Variants in RPTOR observed in about 807,000 individuals in gnomAD.
RPTOR encodes regulatory-associated protein of mTOR.
Under a neutral mutation model 169.9 loss-of-function variants are expected in RPTOR, and 21 were observed. The observed-to-expected ratio is 0.12, with a 90% CI of 0.09 to 0.18. The LOEUF is 0.18. Among genes scored for constraint, RPTOR ranks in the 10% least tolerant of loss-of-function variants. The pLI is 1.00. For missense variants in RPTOR, 1,133 were observed against 1,855.9 expected, an observed-to-expected ratio of 0.61 and a Z score of 7.16; for synonymous variants, 732 against 753.2, an observed-to-expected ratio of 0.97 and a Z score of 0.46.
At position 80,609,399 on chromosome 17, in the gene RPTOR, G is replaced by A. The variant is rs1371335435; in HGVS notation, c.163-16292G>A. On this transcript the variant is annotated intron_variant, in intron 1 of 33. Transcript: ENST00000306801. The surrounding 1 kb of genome is among the most constrained non-coding windows in gnomAD (Gnocchi z 4.8). ...GACTGCTAGTGGCTGGAAGCTTCCAGATTAGTAGTTTAAGCCAGAAAACAA... is the reference window on the plus strand; with the variant it reads ...GACTGCTAGTGGCTGGAAGCTTCCAAATTAGTAGTTTAAGCCAGAAAACAA... Among the ~76,000 whole-genome samples the A allele has an allele frequency of 1.3e-5, 2 of 152,230 alleles. No homozygotes were observed. Among genetic ancestry groups the A allele is most frequent in the Non-Finnish European group, 2.9e-5 (2 of 68,044 alleles).
intron 1 of RPTOR, among the ~76,000 whole-genome samples, chr17:80,605,079 G>A (rs942038379): frequency 6.6e-6 from 1 of 152,160 alleles, no homozygotes; most frequent in African/African-American, 2.4e-5. Context: ...TTATGGGTTG[G>A]AGTAAGGTAT....
At chr17:80,673,219 T>G (rs2065835607) in intron 3 of RPTOR, among the ~76,000 whole-genome samples, 2 of 152,170 alleles carry the variant, frequency 1.3e-5, no homozygotes, top group African/African-American at 4.8e-5. Context: ...CGCCCAGCCC[T>G]CTTTTTACAT....
intron 3 of RPTOR, among the ~76,000 whole-genome samples, chr17:80,660,588 C>T (rs1481644088): frequency 6.6e-6 from 1 of 152,124 alleles, no homozygotes; most frequent in African/African-American, 2.4e-5. Flanking sequence ...CCCAGAGCCC[C>T]ATTCACCACC....
At chr17:80,809,193 T>A (rs2067248560) in intron 7 of RPTOR, among the ~76,000 whole-genome samples, 1 of 152,226 alleles carries the variant, frequency 6.6e-6, no homozygotes, top group African/African-American at 2.4e-5. Context: ...TTCGGGGTTT[T>A]TTTTATTTTA....
intron 21 of RPTOR, among the ~76,000 whole-genome samples, chr17:80,911,314 G>T (rs1259391704): frequency 6.6e-6 from 1 of 152,150 alleles, no homozygotes; most frequent in East Asian, 1.9e-4. Flanking sequence ...CCAGCTGCAC[G>T]GGCACCTGGA....
intron 5 of RPTOR, 143 bp from the exon 6 acceptor site, chr17:80,753,867 G>A (rs535224600): frequency 1.0e-5 from 8 of 763,080 alleles, no homozygotes; most frequent in East Asian, 7.4e-5. Flanking sequence ...CAGCAGCGAC[G>A]CCTCTCTCCA....
At position 80,545,676 on chromosome 17, in the gene RPTOR, A is replaced by G. The variant is rs199973721; in HGVS notation, c.47A>G (p.Glu16Gly). 3.2e-5 allele frequency: 51 copies of G among 1,613,378 alleles called. 1 individual carries two copies. In the South Asian group the frequency reaches 5.3e-4, roughly 17 times the overall value. Residue 16 changes from glutamate (E) to glycine (G), a missense_variant, in exon 1 of 34, where the codon GAA (glutamate) becomes GGA (glycine). By Grantham distance (98) the Glu-to-Gly change is moderately conservative. This residue lies in a region of RPTOR where 47 missense variants were observed against 59.5 expected (regional missense o/e 0.79). Coordinates refer to ENST00000306801, the MANE Select transcript of RPTOR (RefSeq NM_020761.3). ...TCGCCTCTTCTGGGCCTGGGGGAGGAAGATGAGGCTGATCTTACAGACTGG... is the reference window on the plus strand; with the variant it reads ...TCGCCTCTTCTGGGCCTGGGGGAGGGAGATGAGGCTGATCTTACAGACTGG... ...LQSPLLGLGE[E>G]DEADLTDWNL...
intron 9 of RPTOR, among the ~76,000 whole-genome samples, chr17:80,832,529 G>A (rs958967211): frequency 5.9e-5 from 9 of 152,174 alleles, no homozygotes; most frequent in African/African-American, 1.9e-4. Flanking sequence ...CCTTAACAAG[G>A]GCAGGGAGGG....
chr17:80,866,668 G>A (rs944700982), intron 13 of RPTOR, among the ~76,000 whole-genome samples: 2 of 152,310 alleles, frequency 1.3e-5, no homozygotes, highest in African/African-American at 4.8e-5. Context: ...AACTTGATGG[G>A]AGAACATTTG....
rs531648173 is a variant in RPTOR at position 80,699,093 on chromosome 17, C to G, written c.349-8748C>G. On this transcript the variant is annotated intron_variant, in intron 3 of 33. Transcript: ENST00000306801. ...AAAAGCCTTGCTTCACTGCTGTACTCCAACCCATCAAAATGGAATTGTTTA... is the reference window on the plus strand; with the variant it reads ...AAAAGCCTTGCTTCACTGCTGTACTGCAACCCATCAAAATGGAATTGTTTA... Among the ~76,000 whole-genome samples, 3 of 152,330 alleles carry G rather than the reference C, an allele frequency of 2.0e-5. No homozygotes were observed. In the South Asian group the frequency reaches 6.2e-4, roughly 32 times the overall value.
intron 3 of RPTOR, among the ~76,000 whole-genome samples, chr17:80,699,219 T>C (rs1040112243): frequency 1.3e-5 from 2 of 152,266 alleles, no homozygotes; most frequent in African/African-American, 2.4e-5. Flanking sequence ...GAAGTATTTA[T>C]TCATCATTTG....
At chr17:80,958,209 C>CA (rs1555641369) in intron 29 of RPTOR, among the ~76,000 whole-genome samples, 27 of 147,662 alleles carry the variant, frequency 1.8e-4, no homozygotes, top group African/African-American at 6.7e-4. Context: ...CCCCCCCCCC[C>CA]ACCACCAAGT....
chr17:80,757,792 T>C (rs2066695726), intron 6 of RPTOR, among the ~76,000 whole-genome samples: 1 of 152,176 alleles, frequency 6.6e-6, no homozygotes, highest in South Asian at 2.1e-4. Context: ...CTGGCTTTTC[T>C]GTTTCCCACC....
At chr17:80,817,294 G>T (rs1361244736) in intron 7 of RPTOR, among the ~76,000 whole-genome samples, 1 of 152,066 alleles carries the variant, frequency 6.6e-6, no homozygotes, top group Non-Finnish European at 1.5e-5. Flanking sequence ...GGAAGTGAAG[G>T]AAAAGGAAGG....
intron 2 of RPTOR, among the ~76,000 whole-genome samples, chr17:80,641,212 A>G (rs766933109): frequency 1.3e-5 from 2 of 152,386 alleles, no homozygotes; most frequent in Admixed American, 6.5e-5. Context: ...AAGACCAAAC[A>G]TGTAACGTCT....
chr17:80,733,993 T>G (rs1417346020), intron 5 of RPTOR, among the ~76,000 whole-genome samples: 1 of 152,206 alleles, frequency 6.6e-6, no homozygotes, highest in African/African-American at 2.4e-5. Context: ...CTTTCTGTGA[T>G]TGTCTTTCGT....
chr17:80,722,509 G>A (rs1465351858), intron 4 of RPTOR, among the ~76,000 whole-genome samples: 1 of 150,858 alleles, frequency 6.6e-6, no homozygotes, highest in African/African-American at 2.5e-5. Context: ...CGGAGACCTG[G>A]GGAGAGAGTG....
intron 9 of RPTOR, among the ~76,000 whole-genome samples, chr17:80,826,983 G>T (rs1285629408): frequency 2.6e-5 from 4 of 152,232 alleles, no homozygotes; most frequent in Non-Finnish European, 5.9e-5. Flanking sequence ...ACGTGAGCAT[G>T]AAGGGAGCTT....
chr17:80,716,335 T>A (rs1358673888), intron 4 of RPTOR, among the ~76,000 whole-genome samples: 1 of 152,216 alleles, frequency 6.6e-6, no homozygotes. Flanking sequence ...ATGTTGAGCA[T>A]TTTTTCATAT....
Sources: allele counts gnomAD v4.1 joint callset (sites outside exome capture counted in the v4.1 genomes callset), GRCh38; gene constraint gnomAD v4.1.1; regional missense constraint gnomAD v4.1.1; non-coding constraint Gnocchi (gnomAD v3.1); transcripts MANE v1.5; gene names NCBI Gene and HGNC (gene_info 2026-07-23, HGNC 2026-07-21).